The following ADAM20 variants were observed in gnomAD, a reference collection of about 807,000 sequenced individuals.
ADAM20 encodes disintegrin and metalloproteinase domain-containing protein 20.
For missense variants in ADAM20, 871 were observed against 883.2 expected (o/e 0.99, Z 0.18); for synonymous variants, 305 against 310.2 (o/e 0.98, Z 0.18).
the ADAM20 span, among the ~76,000 whole-genome samples, chr14:70,555,778 C>CT: frequency 2.0e-5 from 3 of 152,174 alleles, no homozygotes; most frequent in African/African-American, 7.2e-5. Flanking sequence ...TCTGCTGTCT[C>CT]TACTCGTCCC....
Position 70,522,714 on chromosome 14 carries a change from T to C in ADAM20, c.2044A>G (p.Met682Val), listed in dbSNP as rs1207582213. 2 of 1,613,840 alleles carry C rather than the reference T, an allele frequency of 1.2e-6. No individual in the cohort carries two copies. Among genetic ancestry groups the C allele is most frequent in the East Asian group, 4.5e-5 (2 of 44,886 alleles). Reference sequence around the variant, plus strand: ...TTTCCCATCACATTTAATCCTTCCATGTTGTTCTTAGGAGGTGGGCCACTA... The same window carrying C: ...TTTCCCATCACATTTAATCCTTCCACGTTGTTCTTAGGAGGTGGGCCACTA... ...ADSGPPPKNN[M>V]EGLNVMGKLR... Residue 682 changes from methionine (M) to valine (V), a missense_variant, in exon 2 of 2, where the codon ATG becomes GTG. Transcript: ENST00000256389.
the ADAM20 span, among the ~76,000 whole-genome samples, chr14:70,573,270 G>A: frequency 2.6e-5 from 4 of 152,130 alleles, no homozygotes; most frequent in African/African-American, 9.7e-5. Context: ...ATGAGATTGT[G>A]TCCTTTGGAG....
the ADAM20 span, among the ~76,000 whole-genome samples, chr14:70,546,157 T>C: frequency 1.3e-5 from 2 of 152,030 alleles, no homozygotes; most frequent in Non-Finnish European, 2.9e-5. Context: ...TTGAAACAAA[T>C]GGTAATGGAA....
At chr14:70,528,206 A>G (rs1883631263) in intron 1 of ADAM20, among the ~76,000 whole-genome samples, 2 of 152,226 alleles carry the variant, frequency 1.3e-5, no homozygotes, top group Admixed American at 1.3e-4. Flanking sequence ...AAACCTGCAT[A>G]AAACAAAGGT....
the ADAM20 span, among the ~76,000 whole-genome samples, chr14:70,558,876 C>T: frequency 3.9e-5 from 6 of 152,120 alleles, no homozygotes; most frequent in Non-Finnish European, 5.9e-5. Flanking sequence ...TGCTACTTCT[C>T]ATATTCATTT....
the ADAM20 span, among the ~76,000 whole-genome samples, chr14:70,563,452 A>C: frequency 6.6e-6 from 1 of 152,214 alleles, no homozygotes; most frequent in African/African-American, 2.4e-5. Context: ...AGAAACTTTT[A>C]ATCCAGTTAA....
the ADAM20 span, among the ~76,000 whole-genome samples, chr14:70,549,093 C>A: frequency 4.7e-5 from 1 of 21,410 alleles, no homozygotes; most frequent in Non-Finnish European, 8.0e-5. Flanking sequence ...ACTTTATAGA[C>A]AAGCAAATGC....
At chr14:70,574,533 A>T in the ADAM20 span, among the ~76,000 whole-genome samples, 3 of 151,996 alleles carry the variant, frequency 2.0e-5, no homozygotes, top group Non-Finnish European at 2.9e-5. Flanking sequence ...CCAGCTACTC[A>T]GGAGGCTGAG....
the ADAM20 span, among the ~76,000 whole-genome samples, chr14:70,554,646 G>A: frequency 6.6e-6 from 1 of 152,126 alleles, no homozygotes; most frequent in Non-Finnish European, 1.5e-5. Flanking sequence ...AATGAAATAA[G>A]CCAGATGCAG....
rs1288347680 is a variant in ADAM20 at position 70,523,240 on chromosome 14, C to G, written c.1518G>C (p.Lys506Asn). 1 of 1,613,998 alleles carries G rather than the reference C, an allele frequency of 6.2e-7. No individual in the cohort carries two copies. Among genetic ancestry groups the G allele is most frequent in the East Asian group, 2.2e-5 (1 of 44,872 alleles). The change falls in exon 2 of 2, where the codon AAG (lysine) becomes AAC (asparagine). Residue 506 changes from lysine to asparagine, a missense_variant. Physicochemically the swap from Lys to Asn is moderately conservative, Grantham distance 94. Coordinates refer to ENST00000256389, the MANE Select transcript of ADAM20 (RefSeq NM_003814.5). ...ATTGTATATCATGGTTATTACACGT[C>G]TTTTCATAGCAGAAGGCATTCACAT... ...SCNVNAFCYEKTCNNHDIQCK... is the reference protein window; with the variant it reads ...SCNVNAFCYENTCNNHDIQCK...
chr14:70,522,476 T>C lies in ADAM20; in HGVS notation c.*101A>G. 1.6e-6 allele frequency: 2 copies of C among 1,214,772 alleles called. No individual in the cohort carries two copies. The highest frequency in any genetic ancestry group is 2.2e-6 in the Non-Finnish European group (2 of 893,940). The allele number at this position is 1,214,772 out of a possible 1,614,324, so 75.2% of individuals were successfully genotyped here. ...ATCCTGACATGAAATGTCCATGAAG[T>C]TTTATTTAAACAGTGAGACATGGCT... On this transcript the variant is annotated 3_prime_UTR_variant, in exon 2 of 2. Transcript: ENST00000256389.
At chr14:70,543,115 T>C in the ADAM20 span, among the ~76,000 whole-genome samples, 2 of 152,378 alleles carry the variant, frequency 1.3e-5, no homozygotes, top group East Asian at 3.9e-4. Flanking sequence ...TGCTAAATTC[T>C]AGTGTTGCCT....
upstream of ADAM20, among the ~76,000 whole-genome samples, chr14:70,538,046 C>T (rs993844377): frequency 6.6e-5 from 10 of 152,070 alleles, no homozygotes; most frequent in South Asian, 2.1e-4. Context: ...CTCCTTCCTC[C>T]GAAATCCCTT....
the ADAM20 span, among the ~76,000 whole-genome samples, chr14:70,545,021 C>A: frequency 2.0e-5 from 3 of 151,994 alleles, no homozygotes. Context: ...TGAGAATGTA[C>A]TAAGGAACAA....
At chr14:70,575,231 G>A in the ADAM20 span, among the ~76,000 whole-genome samples, 1 of 151,592 alleles carries the variant, frequency 6.6e-6, no homozygotes, top group African/African-American at 2.4e-5. Flanking sequence ...GTCTTGCTCG[G>A]TCACTCAGGT....
At chr14:70,577,658 C>T in the ADAM20 span, among the ~76,000 whole-genome samples, 3 of 152,158 alleles carry the variant, frequency 2.0e-5, no homozygotes, top group Non-Finnish European at 2.9e-5. Flanking sequence ...TACCACAAAA[C>T]TACAGTAATC....
the ADAM20 span, among the ~76,000 whole-genome samples, chr14:70,565,722 A>G: frequency 1.3e-5 from 2 of 152,280 alleles, no homozygotes; most frequent in African/African-American, 4.8e-5. Context: ...TAATATAGTT[A>G]GAACAAATAT....
At chr14:70,539,365 C>G (rs1327556866), upstream of ADAM20, among the ~76,000 whole-genome samples, 5 of 152,230 alleles carry the variant, frequency 3.3e-5, no homozygotes, top group Admixed American at 1.3e-4. Flanking sequence ...CACCAAGATT[C>G]CTATCCCAGA....
chr14:70,555,133 T>C, the ADAM20 span, among the ~76,000 whole-genome samples: 1 of 152,204 alleles, frequency 6.6e-6, no homozygotes, highest in Non-Finnish European at 1.5e-5. Context: ...GGACCCTATT[T>C]ACCTGCCTCA....
Sources: allele counts gnomAD v4.1 joint callset (sites outside exome capture counted in the v4.1 genomes callset), GRCh38; gene constraint gnomAD v4.1.1; transcripts MANE v1.5; gene names NCBI Gene and HGNC (gene_info 2026-07-23, HGNC 2026-07-21).